Variants in ZBBX observed in about 807,000 individuals in gnomAD.
ZBBX encodes zinc finger B-box domain-containing protein 1.
In ZBBX, 101 loss-of-function variants were observed where a neutral mutation model predicts 108.5. The ratio of observed to expected loss-of-function variants is 0.93; its 90% CI spans 0.79 to 1.10. The LOEUF is 1.10. ZBBX is among the 50% of genes least tolerant of loss of function. ZBBX has a pLI of 0.00. For synonymous variants in ZBBX, 356 were observed against 323.4 expected (o/e 1.10, Z -1.08); for missense variants, 1,009 against 941.4 (o/e 1.07, Z -0.94).
At chr3:167,186,424 A>G in the ZBBX span, among the ~76,000 whole-genome samples, 1 of 152,130 alleles carries the variant, frequency 6.6e-6, no homozygotes, top group Non-Finnish European at 1.5e-5. Flanking sequence ...AAGAGAGGGA[A>G]GAAGGGATGG....
At chr3:167,362,630 A>G (rs964140823) in intron 6 of ZBBX, among the ~76,000 whole-genome samples, 2 of 152,102 alleles carry the variant, frequency 1.3e-5, no homozygotes, top group Non-Finnish European at 2.9e-5. Context: ...AACCTTTCCC[A>G]AAAATGTTTC....
chr3:167,327,071 C>G (rs1234298152), intron 11 of ZBBX, among the ~76,000 whole-genome samples: 2 of 150,806 alleles, frequency 1.3e-5, no homozygotes, highest in Non-Finnish European at 3.0e-5. Flanking sequence ...TCAAGACATA[C>G]TGGGAAACTT....
At chr3:167,384,424 C>A (rs1747842828), upstream of ZBBX, among the ~76,000 whole-genome samples, 1 of 151,980 alleles carries the variant, frequency 6.6e-6, no homozygotes, top group South Asian at 2.1e-4. Flanking sequence ...GTACTGATAA[C>A]CAGCCGTGGA....
At chr3:167,249,423 C>G (rs1190406422) in intron 20 of ZBBX, among the ~76,000 whole-genome samples, 1 of 152,154 alleles carries the variant, frequency 6.6e-6, no homozygotes, top group Admixed American at 6.5e-5. Context: ...AGCAGAGGAT[C>G]CAGCTACCTC....
At chr3:167,333,261 A>T (rs1218216450) in intron 10 of ZBBX, among the ~76,000 whole-genome samples, 1 of 152,076 alleles carries the variant, frequency 6.6e-6, no homozygotes, top group African/African-American at 2.4e-5. Context: ...AAGAATGAGG[A>T]TTATAACATA....
At chr3:167,403,961 A>T (rs1748503903) in intron 1 of ZBBX, among the ~76,000 whole-genome samples, 1 of 152,166 alleles carries the variant, frequency 6.6e-6, no homozygotes, top group Non-Finnish European at 1.5e-5. Context: ...AATCATATCA[A>T]TAATTGCATT....
At chr3:167,190,789 T>C in the ZBBX span, among the ~76,000 whole-genome samples, 2 of 152,270 alleles carry the variant, frequency 1.3e-5, no homozygotes, top group Middle Eastern at 6.8e-3. Flanking sequence ...CAAAATGAGT[T>C]GAGGTGGGGG....
chr3:167,341,853 CAAAT>C (rs1740585598), intron 9 of ZBBX, among the ~76,000 whole-genome samples: 1 of 151,856 alleles, frequency 6.6e-6, no homozygotes, highest in Non-Finnish European at 1.5e-5. Context: ...AACTTACTAA[CAAAT>C]AGCAACAAAA....
At chr3:167,237,733 T>A (rs947135835), downstream of ZBBX, among the ~76,000 whole-genome samples, 5 of 151,960 alleles carry the variant, frequency 3.3e-5, no homozygotes, top group African/African-American at 7.2e-5. Flanking sequence ...AGGAACCTCA[T>A]GTTTAATTTC....
the ZBBX span, among the ~76,000 whole-genome samples, chr3:167,188,137 C>T: frequency 1.3e-5 from 2 of 151,996 alleles, no homozygotes; most frequent in Non-Finnish European, 2.9e-5. Flanking sequence ...ACCATAAAAA[C>T]AATTATTTGG....
At chr3:167,191,915 A>ATATAT in the ZBBX span, among the ~76,000 whole-genome samples, 135 of 125,076 alleles carry the variant, frequency 1.1e-3, 2 homozygotes, top group African/African-American at 4.2e-3. Flanking sequence ...ATATATATAT[A>ATATAT]TATATATATA....
intron 9 of ZBBX, among the ~76,000 whole-genome samples, chr3:167,336,670 C>A (rs1289387902): frequency 6.6e-6 from 1 of 152,094 alleles, no homozygotes; most frequent in East Asian, 1.9e-4. Context: ...CTTTGTGATA[C>A]AGAAAATGTG....
intron 20 of ZBBX, among the ~76,000 whole-genome samples, chr3:167,273,243 G>A (rs536208280): frequency 5.1e-4 from 77 of 152,232 alleles, no homozygotes; most frequent in African/African-American, 1.7e-3. Flanking sequence ...AGATGTAAAC[G>A]CCTGGTTGGA....
Position 167,322,146 on chromosome 3 carries a change from C to A in ZBBX, c.954G>T (p.Met318Ile). ...TGTGTTTTTTAAGCCATAATTTTTCCATATAGGATAGAATGTCTTCTTTAA... is the reference window on the plus strand; with the variant it reads ...TGTGTTTTTTAAGCCATAATTTTTCAATATAGGATAGAATGTCTTCTTTAA... ...IELKEDILSY[M>I]EKLWLKKHRR... Residue 318 changes from methionine (M) to isoleucine (I), a missense_variant, in exon 12 of 22, where the codon ATG becomes ATT. By Grantham distance (10) the Met-to-Ile change is conservative. Transcript: ENST00000675490. 7.4e-7 allele frequency: 1 copy of A among 1,356,454 alleles called. No individual in the cohort carries two copies. The highest frequency in any genetic ancestry group is 2.0e-5 in the South Asian group (1 of 49,966). The allele number at this position is 1,356,454 out of a possible 1,614,324, so 84.0% of individuals were successfully genotyped here.
the ZBBX span, among the ~76,000 whole-genome samples, chr3:167,231,652 G>A: frequency 1.3e-5 from 2 of 151,790 alleles, no homozygotes; most frequent in African/African-American, 4.8e-5. Flanking sequence ...ATTATTCAAA[G>A]AAATCTATTT....
chr3:167,213,190 C>G, the ZBBX span, among the ~76,000 whole-genome samples: 2 of 151,846 alleles, frequency 1.3e-5, no homozygotes, highest in Non-Finnish European at 2.9e-5. Flanking sequence ...TTAACCAGGC[C>G]AAAGAGGCTA....
intron 11 of ZBBX, among the ~76,000 whole-genome samples, chr3:167,327,480 T>C (rs73879667): frequency 3.2e-3 from 491 of 152,272 alleles, no homozygotes; most frequent in African/African-American, 0.011. Flanking sequence ...CACTCACCAA[T>C]GATCACACAG....
chr3:167,405,714 C>T (rs1443558980), intron 1 of ZBBX, among the ~76,000 whole-genome samples: 1 of 152,144 alleles, frequency 6.6e-6, no homozygotes, highest in Non-Finnish European at 1.5e-5. Flanking sequence ...GCTGGTACCA[C>T]CAATAATTTA....
chr3:167,301,693 C>G (rs142921633), intron 17 of ZBBX, among the ~76,000 whole-genome samples: 1 of 152,232 alleles, frequency 6.6e-6, no homozygotes, highest in Non-Finnish European at 1.5e-5. Context: ...CGCAGTGGCT[C>G]ATGCCTGTGA....
Sources: allele counts gnomAD v4.1 joint callset (sites outside exome capture counted in the v4.1 genomes callset), GRCh38; gene constraint gnomAD v4.1.1; transcripts MANE v1.5; gene names NCBI Gene and HGNC (gene_info 2026-07-23, HGNC 2026-07-21).